WWC1: variants seen among roughly 807,000 people sequenced by gnomAD.
The protein encoded by WWC1 is protein KIBRA.
Under a neutral mutation model 138.4 loss-of-function variants are expected in WWC1, and 55 were observed. That is an observed-to-expected ratio of 0.40 (90% CI 0.32 to 0.50). WWC1 has a LOEUF of 0.50. Among genes scored for constraint, WWC1 ranks in the 20% least tolerant of loss-of-function variants. WWC1 has a pLI of 0.72. For synonymous variants in WWC1, 524 were observed against 564.9 expected (o/e 0.93, Z 1.03); for missense variants, 1,226 against 1,420.4 (o/e 0.86, Z 2.20).
intron 15 of WWC1, among the ~76,000 whole-genome samples, chr5:168,436,481 C>T (rs1032003477): frequency 6.6e-6 from 1 of 152,166 alleles, no homozygotes; most frequent in Non-Finnish European, 1.5e-5. Flanking sequence ...CAGCTGCAAA[C>T]CCATCCCAAG....
intron 2 of WWC1, among the ~76,000 whole-genome samples, chr5:168,384,477 A>G (rs1376353403): frequency 1.3e-5 from 2 of 152,188 alleles, no homozygotes; most frequent in African/African-American, 4.8e-5. Context: ...ATTGTCAGAT[A>G]GTCTTCTAGT....
At chr5:168,423,160 A>AAAAAAAC (rs1781244738) in intron 10 of WWC1, among the ~76,000 whole-genome samples, 6 of 150,538 alleles carry the variant, frequency 4.0e-5, no homozygotes, top group African/African-American at 1.5e-4. Context: ...AAAAAAAAAA[A>AAAAAAAC]AAAAAAAAAA....
chr5:168,339,294 G>C (rs1275953590), intron 1 of WWC1, among the ~76,000 whole-genome samples: 6 of 152,160 alleles, frequency 3.9e-5, no homozygotes, highest in Admixed American at 1.3e-4. Flanking sequence ...ATGAGGGTGG[G>C]GTTCTGGGAC....
chr5:168,372,330 C>T (rs552610773), intron 2 of WWC1, among the ~76,000 whole-genome samples: 1 of 152,146 alleles, frequency 6.6e-6, no homozygotes, highest in Non-Finnish European at 1.5e-5. Flanking sequence ...AGACTGTTCT[C>T]TGAAATTTGC....
At chr5:168,381,077 G>T (rs1204274041) in intron 2 of WWC1, among the ~76,000 whole-genome samples, 4 of 152,108 alleles carry the variant, frequency 2.6e-5, no homozygotes, top group African/African-American at 9.7e-5. Context: ...AAATCTCTCG[G>T]GTGATTCCAG....
intron 20 of WWC1, among the ~76,000 whole-genome samples, chr5:168,463,586 G>T (rs571336404): frequency 6.6e-6 from 1 of 152,276 alleles, no homozygotes; most frequent in South Asian, 2.1e-4. Context: ...TTAGAATTCT[G>T]ACTCCCACAG....
At chr5:168,299,997 G>A (rs1769920244) in intron 1 of WWC1, among the ~76,000 whole-genome samples, 1 of 152,198 alleles carries the variant, frequency 6.6e-6, no homozygotes, top group South Asian at 2.1e-4. Context: ...GTGGCCTGGT[G>A]ACATCCCTAT....
intron 1 of WWC1, among the ~76,000 whole-genome samples, chr5:168,335,132 A>G (rs1202410593): frequency 6.6e-6 from 1 of 152,092 alleles, no homozygotes; most frequent in Non-Finnish European, 1.5e-5. Context: ...CTCAAAAGTC[A>G]CTTCTAAGTC....
At chr5:168,433,377 T>C (rs1253711933) in intron 15 of WWC1, among the ~76,000 whole-genome samples, 2 of 152,228 alleles carry the variant, frequency 1.3e-5, no homozygotes, top group Non-Finnish European at 2.9e-5. Flanking sequence ...AGCAGCAAAG[T>C]GTTTGCAGTT....
At chr5:168,421,188 A>G (rs1196026284) in intron 9 of WWC1, among the ~76,000 whole-genome samples, 1 of 152,210 alleles carries the variant, frequency 6.6e-6, no homozygotes, top group Non-Finnish European at 1.5e-5. Context: ...ACAAGAGTCC[A>G]TGCAACAGAC....
In WWC1 at chr5:168,418,192, C is replaced by T. The variant is rs148336455; in HGVS notation, c.1184+3602C>T. 7.2e-5 allele frequency among the ~76,000 whole-genome samples: 11 copies of T among 152,310 alleles called. No homozygotes were observed. The East Asian group carries it at 1.9e-3, about 27-fold the overall frequency. ...AGACACATCCAGGAGAGGCCGACTG[C>T]AGGACCTGCCAAACCCCGCTCACAA... On this transcript the variant is annotated intron_variant, in intron 9 of 22. Coordinates refer to ENST00000265293, the MANE Select transcript of WWC1 (RefSeq NM_015238.3).
At chr5:168,350,189 G>T (rs1774828753) in intron 1 of WWC1, among the ~76,000 whole-genome samples, 1 of 152,162 alleles carries the variant, frequency 6.6e-6, no homozygotes, top group Non-Finnish European at 1.5e-5. Flanking sequence ...TGCTGTATCG[G>T]CTTCGTTCTC....
intron 4 of WWC1, among the ~76,000 whole-genome samples, chr5:168,399,054 G>T (rs1779122160): frequency 6.6e-6 from 1 of 152,140 alleles, no homozygotes; most frequent in African/African-American, 2.4e-5. Flanking sequence ...TTGCCTCCAC[G>T]TGAAGCACTC....
At chr5:168,437,661 G>A (rs532145686) in intron 15 of WWC1, among the ~76,000 whole-genome samples, 2 of 152,132 alleles carry the variant, frequency 1.3e-5, no homozygotes, top group African/African-American at 4.8e-5. Flanking sequence ...GAATGAATAC[G>A]TAAATGCCCT....
chr5:168,423,414 C>T, intron 10 of WWC1, 119 bp from the exon 11 acceptor site: 1 of 1,160,156 alleles, frequency 8.6e-7, no homozygotes. Context: ...AAGGGTCTAC[C>T]CTAGAGATTG....
chr5:168,437,462 A>G (rs976806453), intron 15 of WWC1, among the ~76,000 whole-genome samples: 2 of 152,182 alleles, frequency 1.3e-5, no homozygotes, highest in African/African-American at 4.8e-5. Flanking sequence ...AAATGATGGC[A>G]TCTTAGATTC....
intron 3 of WWC1, among the ~76,000 whole-genome samples, chr5:168,390,312 G>GC (rs984420974): frequency 2.0e-5 from 3 of 151,902 alleles, no homozygotes; most frequent in African/African-American, 7.3e-5. Flanking sequence ...TGAAAAAGAG[G>GC]TTTTTTTTAC....
intron 2 of WWC1, among the ~76,000 whole-genome samples, chr5:168,379,028 C>T (rs536945420): frequency 6.6e-5 from 10 of 151,760 alleles, no homozygotes; most frequent in East Asian, 1.9e-4. Context: ...ATGTGTATGG[C>T]GTGTGTTTGT....
intron 17 of WWC1, 134 bp from the exon 18 acceptor site, chr5:168,453,834 G>A: frequency 6.8e-7 from 1 of 1,469,492 alleles, no homozygotes; most frequent in South Asian, 1.4e-5. Flanking sequence ...GTGTGAGCCT[G>A]GCCCCCCAAA....
Sources: gnomAD v4.1 joint callset for allele counts (sites outside exome capture counted in the v4.1 genomes callset) on GRCh38, gnomAD v4.1.1 for gene constraint, MANE v1.5 for transcripts, NCBI Gene and HGNC (gene_info 2026-07-23, HGNC 2026-07-21) for gene names.